Variants in RERE observed in about 807,000 individuals in gnomAD.
RERE encodes arginine-glutamic acid dipeptide repeats, also known as arginine-glutamic acid dipeptide repeats protein.
Under a neutral mutation model 146.1 loss-of-function variants are expected in RERE, and 40 were observed. The ratio of observed to expected loss-of-function variants is 0.27; its 90% confidence interval spans 0.21 to 0.36. The LOEUF (loss-of-function observed/expected upper bound fraction) is 0.36, where lower values mean the gene tolerates loss of function less well. Among genes scored for constraint, RERE ranks in the 10% least tolerant of loss-of-function variants. The pLI is 1.00. For synonymous variants in RERE, 1,003 were observed against 866.0 expected (o/e 1.16, Z -2.78); for missense variants, 1,933 against 2,138.7 (o/e 0.90, Z 1.90).
intron 1 of RERE, among the ~76,000 whole-genome samples, chr1:8,763,027 T>TA (rs1213012363): frequency 6.6e-6 from 1 of 151,938 alleles, no homozygotes; most frequent in African/African-American, 2.4e-5. Flanking sequence ...CCAGTAAGCT[T>TA]AAAAAAGAAA....
intron 6 of RERE, among the ~76,000 whole-genome samples, chr1:8,545,564 C>T (rs1645848553): frequency 6.6e-6 from 1 of 151,720 alleles, no homozygotes. Context: ...ACAACGTGCA[C>T]GAGCACACAC....
chr1:8,473,222 G>A (rs1307398156), intron 10 of RERE, among the ~76,000 whole-genome samples: 3 of 152,142 alleles, frequency 2.0e-5, no homozygotes, highest in Non-Finnish European at 4.4e-5. Flanking sequence ...CCTATGTGGT[G>A]TCTAGCCCTC....
intron 1 of RERE, chr1:8,806,661 C>G (rs181710186): frequency 6.6e-6 from 1 of 152,216 alleles, no homozygotes; most frequent in Admixed American, 6.5e-5. Flanking sequence ...CTGTACTCTT[C>G]GCAAGCAAGG....
intron 1 of RERE, among the ~76,000 whole-genome samples, chr1:8,782,761 C>A (rs932341410): frequency 1.3e-5 from 2 of 152,066 alleles, no homozygotes; most frequent in Non-Finnish European, 2.9e-5. Context: ...CAAAAATTAG[C>A]TGGATGTGGT....
rs1394930285 is a variant in RERE, at chr1:8,706,709, G to GA, written c.-144-50269_-144-50268insT. On this transcript the variant is annotated intron_variant, in intron 1 of 22. Transcript: ENST00000400908. ...TACACTGAACTTACTTTATTTTCAG[G>GA]TTTTTTTCTCTAAGTAACAGACCTG... Among the ~76,000 whole-genome samples, 4 of 152,174 alleles carry GA rather than the reference G, an allele frequency of 2.6e-5. No homozygotes were observed. The East Asian group carries it at 7.7e-4, about 29-fold the overall frequency.
intron 1 of RERE, among the ~76,000 whole-genome samples, chr1:8,699,932 G>A (rs930161895): frequency 6.6e-6 from 1 of 152,048 alleles, no homozygotes; most frequent in Non-Finnish European, 1.5e-5. Flanking sequence ...TGACACAAAG[G>A]TACCACATTT....
At chr1:8,366,912 A>C (rs1485993409) in intron 12 of RERE, among the ~76,000 whole-genome samples, 1 of 100,626 alleles carries the variant, frequency 9.9e-6, no homozygotes, top group Admixed American at 1.1e-4. Flanking sequence ...CTGAAAAAAA[A>C]AAACAAAAAA....
At chr1:8,458,562 C>T (rs1397988865) in intron 11 of RERE, among the ~76,000 whole-genome samples, 10 of 152,330 alleles carry the variant, frequency 6.6e-5, no homozygotes, top group East Asian at 1.9e-4. Context: ...TAAACACAGA[C>T]GTGTGCGCAT....
intron 1 of RERE, among the ~76,000 whole-genome samples, chr1:8,756,776 T>C (rs1640646888): frequency 6.6e-6 from 1 of 152,134 alleles, no homozygotes; most frequent in Admixed American, 6.6e-5. Context: ...TTTGAAACTT[T>C]GAAAATGATT....
rs1418867082 is a variant in RERE at position 8,706,142 on chromosome 1, T to C, written c.-144-49701A>G. On this transcript the variant is annotated intron_variant, in intron 1 of 22. Coordinates refer to ENST00000400908, the MANE Select transcript of RERE (RefSeq NM_001042681.2). ...AAAAAAAAAAAAAAAAAAAAAAGAA[T>C]GTCTTCTATTAACCTTTAAAAGCCT... is the stretch of plus-strand genomic sequence containing the variant. 2.1e-5 allele frequency among the ~76,000 whole-genome samples: 3 copies of C among 140,220 alleles called. 1 individual carries two copies. Among genetic ancestry groups the C allele is most frequent in the Middle Eastern group, 7.9e-3 (2 of 252 alleles). 92.0% of individuals were successfully genotyped at this position (140,220 alleles called of 152,430 possible).
At chr1:8,651,088 T>G (rs1557458222) in intron 2 of RERE, among the ~76,000 whole-genome samples, 1 of 151,172 alleles carries the variant, frequency 6.6e-6, no homozygotes, top group Non-Finnish European at 1.5e-5. Flanking sequence ...AGGCTGAGAC[T>G]ACGTCTCAAA....
chr1:8,779,035 C>A (rs1227949879), intron 1 of RERE, among the ~76,000 whole-genome samples: 1 of 150,154 alleles, frequency 6.7e-6, no homozygotes, highest in South Asian at 2.2e-4. Flanking sequence ...TTAGTAGAGA[C>A]GGGGTTTTGC....
chr1:8,365,074 T>C (rs1405086028), intron 13 of RERE, among the ~76,000 whole-genome samples: 2 of 152,162 alleles, frequency 1.3e-5, no homozygotes, highest in Non-Finnish European at 2.9e-5. Context: ...TGAGGCGCCA[T>C]ACCCAAGGGC....
At chr1:8,584,732 G>A (rs922837228) in intron 4 of RERE, among the ~76,000 whole-genome samples, 1 of 152,188 alleles carries the variant, frequency 6.6e-6, no homozygotes, top group African/African-American at 2.4e-5. Context: ...TTAACACACA[G>A]AAGGAGAAAA....
chr1:8,541,114 A>G (rs1283960762), intron 7 of RERE, 100 bp downstream of exon 7: 1 of 555,630 alleles, frequency 1.8e-6, no homozygotes, highest in Non-Finnish European at 3.1e-6. Flanking sequence ...TTACTAGTGT[A>G]TGTCCAGAAG....
intron 10 of RERE, among the ~76,000 whole-genome samples, chr1:8,471,491 G>C (rs1414482730): frequency 6.6e-6 from 1 of 150,482 alleles, no homozygotes; most frequent in Non-Finnish European, 1.5e-5. Context: ...GGTAGAAATA[G>C]GGTTTTGCCA....
At chr1:8,452,736 G>C (rs1644403501) in intron 11 of RERE, among the ~76,000 whole-genome samples, 1 of 152,306 alleles carries the variant, frequency 6.6e-6, no homozygotes, top group Middle Eastern at 3.4e-3. Context: ...ATTAAATTCA[G>C]TATAAGATGA....
intron 11 of RERE, among the ~76,000 whole-genome samples, chr1:8,443,459 G>GAAAAAAA (rs144499944): frequency 1.5e-4 from 17 of 112,772 alleles, no homozygotes; most frequent in African/African-American, 2.6e-4. Flanking sequence ...CTCAAAAAAA[G>GAAAAAAA]AAAAAAAAAA....
intron 1 of RERE, among the ~76,000 whole-genome samples, chr1:8,758,754 G>A (rs1640696685): frequency 6.6e-6 from 1 of 151,486 alleles, no homozygotes; most frequent in Admixed American, 6.6e-5. Flanking sequence ...CAGTGAGGAG[G>A]AATAAGTTCA....
Sources: allele counts gnomAD v4.1 joint callset (sites outside exome capture counted in the v4.1 genomes callset), GRCh38; gene constraint gnomAD v4.1.1; transcripts MANE v1.5; gene names NCBI Gene and HGNC (gene_info 2026-07-23, HGNC 2026-07-21).